Variants in ADAMTS17 observed in about 807,000 individuals in gnomAD.
ADAMTS17 encodes the protein ADAM metallopeptidase with thrombospondin type 1 motif 17.
ADAMTS17 carries 113 observed loss-of-function variants against 141.5 expected under a neutral mutation model. The observed-to-expected ratio is 0.80, with a 90% confidence interval of 0.69 to 0.93. The LOEUF (loss-of-function observed/expected upper bound fraction) is 0.93, where lower values mean the gene tolerates loss of function less well. Ranked by LOEUF, ADAMTS17 falls within the 40% of genes least tolerant of loss-of-function variation. The pLI is 0.00. For synonymous variants in ADAMTS17, 768 were observed against 630.6 expected (o/e 1.22, Z -3.27); for missense variants, 1,659 against 1,517.9 (o/e 1.09, Z -1.54).
intron 3 of ADAMTS17, among the ~76,000 whole-genome samples, chr15:100,311,894 A>C (rs1349904780): frequency 1.3e-5 from 2 of 152,154 alleles, no homozygotes; most frequent in African/African-American, 2.4e-5. Context: ...GAAAAAAGGA[A>C]ACTTCTTTAT....
At chr15:100,106,758 A>T (rs1397786846) in intron 14 of ADAMTS17, among the ~76,000 whole-genome samples, 1 of 152,228 alleles carries the variant, frequency 6.6e-6, no homozygotes, top group African/African-American at 2.4e-5. Context: ...GGTCTGTGGA[A>T]GTGTGTAATT....
intron 8 of ADAMTS17, among the ~76,000 whole-genome samples, chr15:100,198,114 T>C (rs1274487997): frequency 1.3e-5 from 2 of 152,194 alleles, no homozygotes; most frequent in African/African-American, 4.8e-5. Context: ...ATGGCACGTA[T>C]ATACCTATGT....
chr15:100,117,064 A>G (rs777624845), intron 12 of ADAMTS17, 51 bp from the exon 13 acceptor site: 1 of 1,550,570 alleles, frequency 6.4e-7, no homozygotes, highest in East Asian at 2.4e-5. Context: ...ACCAAAGGGC[A>G]GGAGAGCTGT....
chr15:99,994,619 T>C (rs985595910), intron 19 of ADAMTS17, among the ~76,000 whole-genome samples: 4 of 152,228 alleles, frequency 2.6e-5, no homozygotes, highest in Admixed American at 2.6e-4. Context: ...CAGGCTGGAG[T>C]GCAGTGGTGC....
At chr15:100,215,780 G>C (rs77910468) in intron 7 of ADAMTS17, among the ~76,000 whole-genome samples, 2,123 of 152,022 alleles carry the variant, frequency 0.014, 55 homozygotes, top group South Asian at 0.044. Context: ...TCTCCCGCTC[G>C]AAGACACAAG....
intron 7 of ADAMTS17, among the ~76,000 whole-genome samples, chr15:100,249,480 G>A (rs569442123): frequency 2.6e-5 from 4 of 152,340 alleles, no homozygotes. Context: ...AGGTGGGGTG[G>A]GGAGGGGCAG....
At chr15:100,333,454 G>A (rs1348949452) in intron 2 of ADAMTS17, among the ~76,000 whole-genome samples, 4 of 152,322 alleles carry the variant, frequency 2.6e-5, no homozygotes, top group Admixed American at 2.6e-4. Flanking sequence ...GAATCTCTGG[G>A]GTGGAGCCCA....
At chr15:100,154,386 A>G (rs932940539) in intron 9 of ADAMTS17, among the ~76,000 whole-genome samples, 1 of 152,194 alleles carries the variant, frequency 6.6e-6, no homozygotes, top group African/African-American at 2.4e-5. Context: ...GTCATGAAAA[A>G]AGACCCAGGA....
Position 100,340,914 on chromosome 15 carries a change from G to GGGTTCCCTCC in ADAMTS17, c.450+115_450+124dup. 3 of 1,410,388 alleles carry GGGTTCCCTCC rather than the reference G, an allele frequency of 2.1e-6. No homozygotes were observed. The South Asian group carries it at 3.7e-5, about 17-fold the overall frequency. 87.4% of individuals were successfully genotyped at this position (1,410,388 alleles called of 1,614,324 possible). A position where few individuals can be genotyped will look rare whatever the true frequency, so the allele number is the denominator to read the frequency against. On this transcript the variant is annotated intron_variant, in intron 2 of 21. Transcript: ENST00000268070. The stretch of plus-strand genomic sequence containing the variant: ...GGATGGGGAGAGGTGGAAAGGCAGG[G>GGGTTCCCTCC]GGTTCCCTCCGGTTCCCCTGGAGGC...
intron 3 of ADAMTS17, among the ~76,000 whole-genome samples, chr15:100,292,076 C>A (rs1357991215): frequency 3.7e-5 from 5 of 133,398 alleles, no homozygotes; most frequent in African/African-American, 8.9e-5. Context: ...GACGCTCAGC[C>A]CGTGGGGAGT....
At chr15:100,175,085 C>T (rs538230887) in intron 8 of ADAMTS17, among the ~76,000 whole-genome samples, 1 of 152,264 alleles carries the variant, frequency 6.6e-6, no homozygotes, top group Non-Finnish European at 1.5e-5. Flanking sequence ...CCCTCGCAGC[C>T]TACTGCAACC....
chr15:100,020,306 G>C (rs2061380145), intron 18 of ADAMTS17, among the ~76,000 whole-genome samples: 1 of 152,226 alleles, frequency 6.6e-6, no homozygotes, highest in South Asian at 2.1e-4. Flanking sequence ...GGGCAAGGTA[G>C]GGAGGTGCTC....
chr15:100,318,460 G>A (rs1394266688), intron 3 of ADAMTS17, among the ~76,000 whole-genome samples: 1 of 152,100 alleles, frequency 6.6e-6, no homozygotes, highest in Admixed American at 6.5e-5. Context: ...TCTCCAGAGA[G>A]CCAGCTAGCC....
At chr15:100,014,709 C>G (rs1596232115) in intron 18 of ADAMTS17, among the ~76,000 whole-genome samples, 1 of 152,110 alleles carries the variant, frequency 6.6e-6, no homozygotes, top group African/African-American at 2.4e-5. Flanking sequence ...TTTTATTCTA[C>G]TGTGGTCTGA....
At chr15:99,976,512 T>C (rs1430130346) in intron 20 of ADAMTS17, 1 of 575,600 alleles carries the variant, frequency 1.7e-6, no homozygotes, top group African/African-American at 1.9e-5. Context: ...AAACAGCAGC[T>C]GCCTGATAGA....
chr15:100,120,898 T>C (rs945689996), intron 12 of ADAMTS17, among the ~76,000 whole-genome samples: 2 of 152,228 alleles, frequency 1.3e-5, no homozygotes, highest in Admixed American at 6.5e-5. Context: ...GAAACCCAGA[T>C]GTTGGCCTTG....
chr15:100,320,864 A>C (rs542517782), intron 3 of ADAMTS17, among the ~76,000 whole-genome samples: 1 of 152,314 alleles, frequency 6.6e-6, no homozygotes, highest in African/African-American at 2.4e-5. Flanking sequence ...AGGTAAAATA[A>C]AGACAGTTTG....
chr15:100,292,051 TGGGGA>T (rs2044642513), intron 3 of ADAMTS17, among the ~76,000 whole-genome samples: 1 of 151,392 alleles, frequency 6.6e-6, no homozygotes, highest in East Asian at 2.0e-4. Context: ...GCTCAGCCCG[TGGGGA>T]GTCACGAGAG....
At chr15:100,228,022 C>T (rs562996665) in intron 7 of ADAMTS17, among the ~76,000 whole-genome samples, 3 of 152,318 alleles carry the variant, frequency 2.0e-5, no homozygotes, top group East Asian at 1.9e-4. Flanking sequence ...ATAAAATCCA[C>T]GACGCTTTGT....
Sources: gnomAD v4.1 joint callset for allele counts (sites outside exome capture counted in the v4.1 genomes callset) on GRCh38, gnomAD v4.1.1 for gene constraint, MANE v1.5 for transcripts, NCBI Gene and HGNC (gene_info 2026-07-23, HGNC 2026-07-21) for gene names.